NHSL2: variants seen among roughly 807,000 people sequenced by gnomAD.
The protein encoded by NHSL2 is NHS-like protein 2.
Under a neutral mutation model 53.4 loss-of-function variants are expected in NHSL2, and 27 were observed. That is an observed-to-expected ratio of 0.51 (90% CI 0.37 to 0.70). The LOEUF is 0.70. Among genes scored for constraint, NHSL2 ranks in the 30% least tolerant of loss-of-function variants. The pLI, the probability that NHSL2 is intolerant of heterozygous loss-of-function variation, is 0.00. For missense variants in NHSL2, 892 were observed against 980.1 expected (o/e 0.91, Z 1.20); for synonymous variants, 408 against 404.1 (o/e 1.01, Z -0.12).
chrX:72,143,694 C>A lies in NHSL2; in HGVS notation c.*120C>A. On this transcript the variant is annotated 3_prime_UTR_variant, in exon 8 of 8. Transcript: ENST00000633930. ...CCTACATTTCTTTTATATTAACTCA[C>A]ACTCTGGACAGCAGGAGAGAGGCTA... 2.1e-6 allele frequency: 1 copy of A among 466,566 alleles called. No individual in the cohort carries two copies. 38.5% of individuals were successfully genotyped at this position (466,566 alleles called of 1,213,427 possible). A position where few individuals can be genotyped will look rare whatever the true frequency, so the allele number is the denominator to read the frequency against.
rs138355904 is a variant in NHSL2, at chrX:72,140,344, C to T, written c.2796C>T (p.Phe932=). ...TVVRKPKPSS[F]PDGRSPGEST... Reference sequence around the variant, plus strand: ...TGCGGAAACCAAAGCCCTCCAGCTTCCCAGATGGCAGAAGCCCAGGGGAGT... The same window carrying T: ...TGCGGAAACCAAAGCCCTCCAGCTTTCCAGATGGCAGAAGCCCAGGGGAGT... The change falls in exon 6 of 8, where the codon TTC becomes TTT. Residue 932 remains phenylalanine (F), a synonymous_variant. Coordinates refer to ENST00000633930, the MANE Select transcript of NHSL2 (RefSeq NM_001013627.3). The T allele has an allele frequency of 2.5e-6, 3 of 1,209,451 alleles. No individual in the cohort carries two copies. The highest frequency in any genetic ancestry group is 1.8e-5 in the African/African-American group (1 of 57,076).
At chrX:72,059,013 G>C (rs918509135) in intron 1 of NHSL2, among the ~76,000 whole-genome samples, 1 of 111,535 alleles carries the variant, frequency 9.0e-6, no homozygotes, top group Admixed American at 9.5e-5. Flanking sequence ...ATACTTCCAA[G>C]ACCTTGTGAC....
At chrX:71,998,785 A>G (rs1472953361) in intron 1 of NHSL2, among the ~76,000 whole-genome samples, 1 of 111,019 alleles carries the variant, frequency 9.0e-6, no homozygotes, top group Non-Finnish European at 1.9e-5. Context: ...TCTATACTCA[A>G]TGCCCTCATG....
At chrX:71,911,660 G>A (rs2041603588) in intron 1 of NHSL2, among the ~76,000 whole-genome samples, 1 of 112,537 alleles carries the variant, frequency 8.9e-6, no homozygotes, top group African/African-American at 3.2e-5. Context: ...GGCTGGGGAC[G>A]CGCTGGGTCC....
intron 1 of NHSL2, among the ~76,000 whole-genome samples, chrX:71,935,045 A>G (rs1243715075): frequency 2.7e-5 from 3 of 111,401 alleles, no homozygotes; most frequent in Admixed American, 1.9e-4. Flanking sequence ...AAGGACACTC[A>G]TGCACACCCA....
At position 71,965,215 on chromosome X, in the gene NHSL2, G is replaced by A. The variant is rs146741558; in HGVS notation, c.280+53848G>A. Among the ~76,000 whole-genome samples, 31 of 112,282 alleles carry A rather than the reference G, an allele frequency of 2.8e-4. 1 individual carries two copies. The East Asian group carries it at 7.8e-3, about 28-fold the overall frequency. On this transcript the variant is annotated intron_variant, in intron 1 of 7. Transcript: ENST00000633930. ...CCAGGTCATTTACATGTTCTCTCTCGTGTTATTGTCTGGGAGTTTTATAGT... is the reference window on the plus strand; with the variant it reads ...CCAGGTCATTTACATGTTCTCTCTCATGTTATTGTCTGGGAGTTTTATAGT...
rs1160003482 is a variant in NHSL2, at chrX:71,961,217, A to G, written c.280+49850A>G. Among the ~76,000 whole-genome samples the G allele has an allele frequency of 2.7e-5, 3 of 111,279 alleles. No individual in the cohort carries two copies. The Admixed American group carries it at 2.8e-4, about 11-fold the overall frequency. On this transcript the variant is annotated intron_variant, in intron 1 of 7. Transcript: ENST00000633930. ...ATGTATAGAAGTACAACTGATTTTA[A>G]CATATTGATCTTGTACCCTGCAACT... is the stretch of plus-strand genomic sequence containing the variant.
At chrX:72,058,315 CT>C (rs1190836866) in intron 1 of NHSL2, among the ~76,000 whole-genome samples, 1 of 112,009 alleles carries the variant, frequency 8.9e-6, no homozygotes, top group Admixed American at 9.4e-5. Context: ...GCACCAGGGG[CT>C]TGACAGCTTC....
At chrX:72,021,454 T>A (rs1285323447) in intron 1 of NHSL2, among the ~76,000 whole-genome samples, 1 of 111,860 alleles carries the variant, frequency 8.9e-6, no homozygotes, top group Non-Finnish European at 1.9e-5. Context: ...GAAAGGGAGC[T>A]TCTCCTCAGG....
chrX:71,939,623 C>T (rs2041756291), intron 1 of NHSL2, among the ~76,000 whole-genome samples: 1 of 111,918 alleles, frequency 8.9e-6, no homozygotes, highest in African/African-American at 3.3e-5. Context: ...GCCAACCTGT[C>T]TGGATTTTGA....
intron 1 of NHSL2, among the ~76,000 whole-genome samples, chrX:71,986,664 C>A (rs2042004196): frequency 8.9e-6 from 1 of 112,086 alleles, no homozygotes; most frequent in Admixed American, 9.4e-5. Context: ...ATTAGTTTGA[C>A]CATAAGGTAT....
chrX:71,939,206 G>A (rs772137847), intron 1 of NHSL2, among the ~76,000 whole-genome samples: 2 of 111,538 alleles, frequency 1.8e-5, no homozygotes, highest in South Asian at 7.7e-4. Flanking sequence ...AGGTAGAGGG[G>A]AGTGGGAGAA....
chrX:71,991,848 C>CTCTCTCTCTCTCTCTCTG (rs776360819), intron 1 of NHSL2, among the ~76,000 whole-genome samples: 4 of 108,809 alleles, frequency 3.7e-5, no homozygotes, highest in African/African-American at 1.3e-4. Flanking sequence ...CTCTCTCTCT[C>CTCTCTCTCTCTCTCTCTG]TCTGTCTTTG....
intron 1 of NHSL2, among the ~76,000 whole-genome samples, chrX:71,915,352 G>C (rs1448269330): frequency 9.0e-6 from 1 of 110,893 alleles, no homozygotes; most frequent in African/African-American, 3.3e-5. Context: ...CTCTGGTGTG[G>C]TACCAACAAT....
At chrX:71,912,301 G>A (rs1420038757) in intron 1 of NHSL2, among the ~76,000 whole-genome samples, 2 of 112,420 alleles carry the variant, frequency 1.8e-5, no homozygotes, top group Non-Finnish European at 3.8e-5. Context: ...GACTTCTGCT[G>A]AAAGCAAGGG....
At chrX:72,134,270 G>A in intron 3 of NHSL2, 52 bp downstream of exon 3, 1 of 1,118,880 alleles carries the variant, frequency 8.9e-7, no homozygotes, top group South Asian at 2.1e-5. Flanking sequence ...CCACTGACAA[G>A]AGACCTCCAG....
In NHSL2 at chrX:72,140,419, T is replaced by C. The variant is rs377167137; in HGVS notation, c.2871T>C (p.Asp957=). 3.0e-4 allele frequency: 366 copies of C among 1,208,217 alleles called. No homozygotes were observed. Among genetic ancestry groups the C allele is most frequent in the Non-Finnish European group, 3.8e-4 (344 of 894,210 alleles). ...TCACGCCTTTTGCCAGTTCCTCTGA[T>C]GCTTTCTTCTCAGGAACACAGCAGC... The part of the protein sequence containing the change: ...LVFTPFASSS[D]AFFSGTQQPP... The change falls in exon 6 of 8, where the codon GAT becomes GAC. Residue 957 remains aspartate, a synonymous_variant. Coordinates refer to ENST00000633930, the MANE Select transcript of NHSL2 (RefSeq NM_001013627.3).
intron 1 of NHSL2, among the ~76,000 whole-genome samples, chrX:71,963,958 T>TATATATATAC (rs1569466982): frequency 3.1e-4 from 2 of 6,430 alleles, no homozygotes; most frequent in African/African-American, 9.7e-4. Flanking sequence ...GCTATATATA[T>TATATATATAC]ACACATATAT....
At chrX:72,087,681 C>A (rs2041861055) in intron 1 of NHSL2, among the ~76,000 whole-genome samples, 1 of 109,705 alleles carries the variant, frequency 9.1e-6, no homozygotes, top group African/African-American at 3.3e-5. Context: ...ACCAGCCTGG[C>A]CAACATGGTG....
Sources: allele counts gnomAD v4.1 joint callset (sites outside exome capture counted in the v4.1 genomes callset), GRCh38; gene constraint gnomAD v4.1.1; transcripts MANE v1.5; gene names NCBI Gene and HGNC (gene_info 2026-07-23, HGNC 2026-07-21).